The following NF1 variants were observed in gnomAD, a reference collection of about 807,000 sequenced individuals.
The protein encoded by NF1 is neurofibromin.
In NF1, 122 loss-of-function variants were observed where a neutral mutation model predicts 325.7. That is an observed-to-expected ratio of 0.37 (90% CI 0.32 to 0.44). NF1 has a LOEUF of 0.44. NF1 is among the 20% of genes least tolerant of loss of function. The pLI, the probability that NF1 is intolerant of heterozygous loss-of-function variation, is 1.00. For missense variants in NF1, 2,140 were observed against 3,415.4 expected, an observed-to-expected ratio of 0.63 and a Z score of 9.31; for synonymous variants, 1,091 against 1,186.0, an observed-to-expected ratio of 0.92 and a Z score of 1.65.
chr17:31,190,819 A>G (rs1336282346), intron 8 of NF1, among the ~76,000 whole-genome samples: 2 of 152,126 alleles, frequency 1.3e-5, no homozygotes, highest in Non-Finnish European at 2.9e-5. Context: ...TGAATTGCCT[A>G]TTTTCCTGCA....
intron 8 of NF1, among the ~76,000 whole-genome samples, chr17:31,195,982 AT>A (rs1215451454): frequency 2.6e-5 from 4 of 151,842 alleles, no homozygotes; most frequent in Non-Finnish European, 5.9e-5. Flanking sequence ...TGGTTATTTT[AT>A]TTTTGATTTT....
chr17:31,316,885 C>G (rs2069034145), intron 36 of NF1, among the ~76,000 whole-genome samples: 1 of 151,930 alleles, frequency 6.6e-6, no homozygotes, highest in African/African-American at 2.4e-5. Context: ...TTAATAATAG[C>G]TAGACGTTTG....
intron 1 of NF1, among the ~76,000 whole-genome samples, chr17:31,141,008 T>C (rs1047167480): frequency 1.3e-5 from 2 of 152,056 alleles, no homozygotes; most frequent in African/African-American, 4.8e-5. Flanking sequence ...AATGAAGAAG[T>C]CTGGAGAGCT....
intron 1 of NF1, among the ~76,000 whole-genome samples, chr17:31,153,762 A>G (rs1597623019): frequency 6.9e-6 from 1 of 144,914 alleles, no homozygotes; most frequent in Non-Finnish European, 1.5e-5. Flanking sequence ...GGCACACACT[A>G]CCAAGCCTAG....
At chr17:31,338,217 A>G (rs758855928) in intron 45 of NF1, 78 bp downstream of exon 45, 1 of 1,065,124 alleles carries the variant, frequency 9.4e-7, no homozygotes, top group African/African-American at 1.5e-5. Context: ...TTTCTAAAAG[A>G]CGTTTAAATT....
chr17:31,334,017 T>C (rs2069573421), intron 39 of NF1, among the ~76,000 whole-genome samples: 1 of 152,206 alleles, frequency 6.6e-6, no homozygotes, highest in Admixed American at 6.5e-5. Context: ...CCAGGGGTGG[T>C]GGCTCACGCC....
At chr17:31,243,616 T>C (rs2067341991) in intron 29 of NF1, among the ~76,000 whole-genome samples, 1 of 151,992 alleles carries the variant, frequency 6.6e-6, no homozygotes, top group South Asian at 2.1e-4. Context: ...TGGTGAGTGC[T>C]GCCTGGCTAC....
rs1555618999 is a variant in NF1, at chr17:31,261,710, G to A, written c.4578-1G>A. ...TTTTCTAAGTAGTTTGCTGTATCTA[G>A]GGATCATAAAGCTGTTGGAAGACGA... On this transcript the variant is annotated splice_acceptor_variant, in intron 34 of 57. Transcript: ENST00000358273. LOFTEE classifies it high-confidence loss of function. 6.2e-7 allele frequency: 1 copy of A among 1,612,048 alleles called. No individual in the cohort carries two copies. The highest frequency in any genetic ancestry group is 8.5e-7 in the Non-Finnish European group (1 of 1,179,902).
At chr17:31,232,285 G>T in intron 25 of NF1, 96 bp downstream of exon 25, 2 of 782,216 alleles carry the variant, frequency 2.6e-6, no homozygotes, top group Non-Finnish European at 4.5e-6. Context: ...ACAGGACTAG[G>T]ATAGGAAAAT....
At chr17:31,265,399 A>G (rs2067769265) in intron 36 of NF1, 60 bp downstream of exon 36, 2 of 1,248,374 alleles carry the variant, frequency 1.6e-6, no homozygotes, top group African/African-American at 1.5e-5. Context: ...GCAAATATAG[A>G]GAGATGGCAA....
intron 37 of NF1, 94 bp downstream of exon 37, chr17:31,326,346 G>T: frequency 7.9e-7 from 1 of 1,267,094 alleles, no homozygotes; most frequent in East Asian, 2.3e-5. Context: ...CCCCTATAGT[G>T]GTGTATAAAA....
chr17:31,103,710 C>G (rs1209441231), intron 1 of NF1, among the ~76,000 whole-genome samples: 1 of 151,904 alleles, frequency 6.6e-6, no homozygotes, highest in Non-Finnish European at 1.5e-5. Context: ...TGGCTCATGC[C>G]TATAATTCAA....
chr17:31,222,696 A>G (rs1398823417), intron 15 of NF1: 1 of 224,910 alleles, frequency 4.4e-6, no homozygotes. Context: ...TATAATTTCA[A>G]CATGTAATCA....
At chr17:31,177,735 A>G (rs576262801) in intron 5 of NF1, among the ~76,000 whole-genome samples, 2 of 152,012 alleles carry the variant, frequency 1.3e-5, no homozygotes, top group African/African-American at 2.4e-5. Context: ...ACAAGTATCA[A>G]TAGCCAAATC....
chr17:31,189,668 A>G (rs1431242977), intron 8 of NF1, among the ~76,000 whole-genome samples: 1 of 151,828 alleles, frequency 6.6e-6, no homozygotes, highest in Non-Finnish European at 1.5e-5. Flanking sequence ...AGGTGCCAAG[A>G]TTTTTGAAGT....
chr17:31,111,440 C>T (rs572994873), intron 1 of NF1, among the ~76,000 whole-genome samples: 2 of 152,174 alleles, frequency 1.3e-5, no homozygotes, highest in South Asian at 4.1e-4. Flanking sequence ...AAGAAAACTA[C>T]ACTTAGCATA....
chr17:31,116,844 AT>A (rs1162893167), intron 1 of NF1, among the ~76,000 whole-genome samples: 3,479 of 119,958 alleles, frequency 0.029, 55 homozygotes, highest in Non-Finnish European at 0.036. Context: ...ATTTTTTTGT[AT>A]TTTTTTTTTT....
intron 12 of NF1, among the ~76,000 whole-genome samples, chr17:31,212,766 A>G (rs1245379428): frequency 2.0e-5 from 3 of 152,202 alleles, no homozygotes; most frequent in East Asian, 1.9e-4. Context: ...ATTCTCATCA[A>G]GTATTGTATA....
intron 1 of NF1, among the ~76,000 whole-genome samples, chr17:31,123,531 C>T (rs1364037146): frequency 6.6e-6 from 1 of 152,160 alleles, no homozygotes; most frequent in African/African-American, 2.4e-5. Flanking sequence ...AGTGGTCTTT[C>T]CACCTCAGCC....
Sources: gnomAD v4.1 joint callset for allele counts (sites outside exome capture counted in the v4.1 genomes callset) on GRCh38, gnomAD v4.1.1 for gene constraint, MANE v1.5 for transcripts, NCBI Gene and HGNC (gene_info 2026-07-23, HGNC 2026-07-21) for gene names.